CHST11: variants seen among roughly 807,000 people sequenced by gnomAD.
CHST11 encodes carbohydrate sulfotransferase 11, also known as C4S-1.
CHST11 carries 9 observed loss-of-function variants against 30.4 expected under a neutral mutation model. The ratio of observed to expected loss-of-function variants is 0.30; its 90% CI spans 0.18 to 0.52. CHST11 has a LOEUF of 0.52. CHST11 is among the 20% of genes least tolerant of loss of function. The probability of loss-of-function intolerance (pLI) is 0.97; values close to 1 mark genes in which losing one functional copy is unlikely to be tolerated. For synonymous variants in CHST11, 152 were observed against 187.8 expected (o/e 0.81, Z 1.56); for missense variants, 348 against 460.6 (o/e 0.76, Z 2.24).
intron 2 of CHST11, among the ~76,000 whole-genome samples, chr12:104,615,121 G>A (rs1186412753): frequency 2.0e-5 from 3 of 152,192 alleles, no homozygotes; most frequent in African/African-American, 2.4e-5. Flanking sequence ...GCCCTAGAAC[G>A]AAGCTGACCG....
chr12:104,569,741 T>A (rs1449269033), intron 1 of CHST11, among the ~76,000 whole-genome samples: 1 of 152,160 alleles, frequency 6.6e-6, no homozygotes, highest in Non-Finnish European at 1.5e-5. Context: ...CACAGGGGAA[T>A]AAGTCCTGCT....
chr12:104,686,762 C>T (rs879456095), intron 2 of CHST11, among the ~76,000 whole-genome samples: 3 of 152,202 alleles, frequency 2.0e-5, no homozygotes, highest in Non-Finnish European at 2.9e-5. Flanking sequence ...ATTCTCCTGC[C>T]TCAGCCTCCC....
chr12:104,737,681 G>T (rs1296439172), intron 2 of CHST11, among the ~76,000 whole-genome samples: 1 of 152,178 alleles, frequency 6.6e-6, no homozygotes, highest in African/African-American at 2.4e-5. Context: ...CAGAGTGGAG[G>T]TATTTCTGAC....
chr12:104,662,067 AC>A (rs2039603249), intron 2 of CHST11, among the ~76,000 whole-genome samples: 1 of 152,128 alleles, frequency 6.6e-6, no homozygotes, highest in Admixed American at 6.5e-5. Context: ...AGAAATATAA[AC>A]TCTGATGGCC....
chr12:104,750,635 G>A (rs1045804811), intron 2 of CHST11, among the ~76,000 whole-genome samples: 2 of 150,922 alleles, frequency 1.3e-5, no homozygotes, highest in African/African-American at 4.9e-5. Context: ...GTAGAGACAG[G>A]GTTTCACCAT....
At chr12:104,658,487 G>T (rs551286483) in intron 2 of CHST11, among the ~76,000 whole-genome samples, 1 of 152,314 alleles carries the variant, frequency 6.6e-6, no homozygotes, top group South Asian at 2.1e-4. Flanking sequence ...CTCCAAATAA[G>T]GGTACTGTCT....
chr12:104,582,445 G>A (rs999105394), intron 1 of CHST11, among the ~76,000 whole-genome samples: 1 of 152,160 alleles, frequency 6.6e-6, no homozygotes, highest in African/African-American at 2.4e-5. Flanking sequence ...AGATGTGTCA[G>A]ACAGATATGT....
At chr12:104,709,281 TTCTC>T (rs1455266531) in intron 2 of CHST11, among the ~76,000 whole-genome samples, 1 of 152,150 alleles carries the variant, frequency 6.6e-6, no homozygotes, top group East Asian at 1.9e-4. Context: ...CTCCAGGGCC[TTCTC>T]TCTCTCCTCA....
chr12:104,675,707 T>G (rs895685118), intron 2 of CHST11, among the ~76,000 whole-genome samples: 7 of 152,232 alleles, frequency 4.6e-5, no homozygotes, highest in African/African-American at 1.7e-4. Context: ...GTGCCTCAGT[T>G]TCCTCTCCTG....
rs573246958 is a variant in CHST11 at position 104,480,497 on chromosome 12, A to C, written c.118+22968A>C. Among the ~76,000 whole-genome samples, 9 of 151,096 alleles carry C rather than the reference A, an allele frequency of 6.0e-5. No homozygotes were observed. In the South Asian group the frequency reaches 1.9e-3, roughly 32 times the overall value. ...GGAGGCTGAGGCAGGAGAATTGCTTAAACCTGGGAGGCGGAGGTTGCAGTG... is the reference window on the plus strand; with the variant it reads ...GGAGGCTGAGGCAGGAGAATTGCTTCAACCTGGGAGGCGGAGGTTGCAGTG... On this transcript the variant is annotated intron_variant, in intron 1 of 2. Coordinates refer to ENST00000303694, the MANE Select transcript of CHST11 (RefSeq NM_018413.6).
intron 2 of CHST11, among the ~76,000 whole-genome samples, chr12:104,610,198 A>G (rs1220932649): frequency 1.3e-5 from 2 of 151,886 alleles, no homozygotes; most frequent in East Asian, 3.9e-4. Context: ...TGTCTGTTAT[A>G]CTCCCAATGC....
intron 2 of CHST11, among the ~76,000 whole-genome samples, chr12:104,683,399 A>AT (rs2039816391): frequency 6.6e-6 from 1 of 152,160 alleles, no homozygotes; most frequent in Non-Finnish European, 1.5e-5. Flanking sequence ...GTTTCACCTT[A>AT]TTTTCACTTC....
intron 1 of CHST11, among the ~76,000 whole-genome samples, chr12:104,541,570 A>G (rs2038287777): frequency 6.6e-6 from 1 of 152,172 alleles, no homozygotes; most frequent in African/African-American, 2.4e-5. Flanking sequence ...ATTCTGAAAT[A>G]GAGTTTTGGC....
intron 2 of CHST11, among the ~76,000 whole-genome samples, chr12:104,657,038 C>T (rs1363705561): frequency 6.6e-6 from 1 of 150,972 alleles, no homozygotes; most frequent in Non-Finnish European, 1.5e-5. Context: ...ATGAAGAAAG[C>T]GTGGCATTGG....
At chr12:104,553,735 T>C (rs892028910) in intron 1 of CHST11, among the ~76,000 whole-genome samples, 2 of 152,210 alleles carry the variant, frequency 1.3e-5, no homozygotes, top group African/African-American at 4.8e-5. Context: ...TCCCCCAGCA[T>C]TGCGAATTAC....
intron 2 of CHST11, among the ~76,000 whole-genome samples, chr12:104,715,151 G>A (rs1024636882): frequency 1.3e-5 from 2 of 152,174 alleles, no homozygotes; most frequent in African/African-American, 4.8e-5. Context: ...GATCACTTGA[G>A]GTCAGGAGTT....
intron 2 of CHST11, among the ~76,000 whole-genome samples, chr12:104,695,047 T>A (rs1349260792): frequency 6.6e-6 from 1 of 152,146 alleles, no homozygotes; most frequent in African/African-American, 2.4e-5. Flanking sequence ...CCACAGGGGA[T>A]GCTGGGGGGT....
intron 2 of CHST11, among the ~76,000 whole-genome samples, chr12:104,647,727 C>T (rs2039448702): frequency 6.6e-6 from 1 of 152,168 alleles, no homozygotes; most frequent in Non-Finnish European, 1.5e-5. Context: ...CGTGATCTCT[C>T]CTGATTTCTG....
At chr12:104,480,449 G>C (rs1037319223) in intron 1 of CHST11, among the ~76,000 whole-genome samples, 2 of 151,912 alleles carry the variant, frequency 1.3e-5, no homozygotes, top group Non-Finnish European at 2.9e-5. Context: ...ATGGTGGCGG[G>C]TGCCTGTAAT....
Sources: allele counts gnomAD v4.1 joint callset (sites outside exome capture counted in the v4.1 genomes callset), GRCh38; gene constraint gnomAD v4.1.1; transcripts MANE v1.5; gene names NCBI Gene and HGNC (gene_info 2026-07-23, HGNC 2026-07-21).